The following TCTN1 variants were observed in gnomAD, a reference collection of about 807,000 sequenced individuals.
TCTN1 encodes tectonic family member 1, also known as tectonic-1.
Under a neutral mutation model 65.8 loss-of-function variants are expected in TCTN1, and 58 were observed. The ratio of observed to expected loss-of-function variants is 0.88; its 90% CI spans 0.71 to 1.10. The LOEUF (loss-of-function observed/expected upper bound fraction) is 1.10, where lower values mean the gene tolerates loss of function less well. Ranked by LOEUF, TCTN1 falls within the 50% of genes least tolerant of loss-of-function variation. TCTN1 has a pLI of 0.00. For missense variants in TCTN1, 645 were observed against 719.4 expected (o/e 0.90, Z 1.18); for synonymous variants, 273 against 289.1 (o/e 0.94, Z 0.57).
In TCTN1 at chr12:110,628,837, A is replaced by T. The variant is rs780200746; in HGVS notation, c.543A>T (p.Thr181=). The change falls in exon 4 of 15, where the codon ACA becomes ACT. Residue 181 remains threonine, a synonymous_variant. Transcript: ENST00000397659. ...ACAATTTTGATACATTGATGAAAAC[A>T]TCTGATGGTTTTACATTGAATGCTG... ...DENNFDTLMK[T]SDGFTLNAES... is the part of the protein sequence containing the mutation. 9.9e-6 allele frequency: 16 copies of T among 1,613,270 alleles called. No individual in the cohort carries two copies. Among genetic ancestry groups the T allele is most frequent in the Non-Finnish European group, 1.3e-5 (15 of 1,179,602 alleles).
At position 110,640,935 on chromosome 12, in the gene TCTN1, G is replaced by A; in HGVS notation, c.979-89G>A. 6.3e-7 allele frequency: 1 copy of A among 1,575,246 alleles called. No individual in the cohort carries two copies. The highest frequency in any genetic ancestry group is 1.1e-5 in the South Asian group (1 of 89,962). Reference sequence around the variant, plus strand: ...TTCAACACATGGAGAAACAGGGAAAGATTTGCTATCTATGGGTGTTTTCAG... The same window carrying A: ...TTCAACACATGGAGAAACAGGGAAAAATTTGCTATCTATGGGTGTTTTCAG... On this transcript the variant is annotated intron_variant, in intron 8 of 14. Coordinates refer to ENST00000397659, the MANE Select transcript of TCTN1 (RefSeq NM_001082538.3). This position sits in a 1 kb window ranked among gnomAD's most constrained non-coding sequence, Gnocchi z 4.9.
chr12:110,644,952 T>C lies in TCTN1; in HGVS notation c.1332-15T>C. The stretch of plus-strand genomic sequence containing the variant: ...CAACAGCCTCATTCAGTTGACTTCT[T>C]TTTCCTTCACCAAGACTGACTGGAG... On this transcript the variant is annotated splice_polypyrimidine_tract_variant and intron_variant, in intron 11 of 14. Transcript: ENST00000397659. This position sits in a 1 kb window ranked among gnomAD's most constrained non-coding sequence, Gnocchi z 4.6. 1 of 1,614,220 alleles carries C rather than the reference T, an allele frequency of 6.2e-7. No individual in the cohort carries two copies. The highest frequency in any genetic ancestry group is 8.5e-7 in the Non-Finnish European group (1 of 1,180,052).
chr12:110,620,209 C>G (rs899205275), intron 2 of TCTN1, among the ~76,000 whole-genome samples: 4 of 151,990 alleles, frequency 2.6e-5, no homozygotes, highest in African/African-American at 9.7e-5. Flanking sequence ...AGATTGGGAC[C>G]ATTCTGGCTA....
intron 1 of TCTN1, among the ~76,000 whole-genome samples, chr12:110,614,630 G>C (rs992651980): frequency 2.6e-5 from 4 of 152,224 alleles, no homozygotes; most frequent in Non-Finnish European, 5.9e-5. Flanking sequence ...AAGTGGAACG[G>C]TATCAAACCT....
At chr12:110,621,836 C>T (rs2065452930) in intron 2 of TCTN1, among the ~76,000 whole-genome samples, 2 of 151,214 alleles carry the variant, frequency 1.3e-5, no homozygotes, top group Non-Finnish European at 2.9e-5. Flanking sequence ...AGTGGGCCCT[C>T]GTTAAGAATG....
At chr12:110,645,332 A>C (rs951658735) in intron 12 of TCTN1, 3 of 626,292 alleles carry the variant, frequency 4.8e-6, no homozygotes, top group African/African-American at 3.7e-5. Flanking sequence ...CTCTGTTTTC[A>C]TCTGTGAAAT....
At position 110,640,257 on chromosome 12, in the gene TCTN1, TG is replaced by T; in HGVS notation, c.844-125del. ...CAAATGTGGATCATAGTATATACAC[TG>T]TTGTGTAGCATGCTTCCCCCTACTT... On this transcript the variant is annotated intron_variant, in intron 7 of 14. Transcript: ENST00000397659. The surrounding 1 kb of genome is among the most constrained non-coding windows in gnomAD (Gnocchi z 4.9). 9.2e-7 allele frequency: 1 copy of T among 1,083,648 alleles called. No individual in the cohort carries two copies. Among genetic ancestry groups the T allele is most frequent in the Non-Finnish European group, 1.4e-6 (1 of 715,572 alleles). 67.1% of individuals were successfully genotyped at this position (1,083,648 alleles called of 1,614,324 possible).
At chr12:110,615,056 T>C (rs1593193683) in intron 1 of TCTN1, among the ~76,000 whole-genome samples, 3 of 152,116 alleles carry the variant, frequency 2.0e-5, no homozygotes. Flanking sequence ...CTTTGGGAGG[T>C]CAACTCGGGT....
intron 4 of TCTN1, chr12:110,629,965 A>C (rs2066123715): frequency 6.6e-6 from 1 of 152,206 alleles, no homozygotes. Context: ...TCAGCAAACT[A>C]ACATGGAACA....
intron 2 of TCTN1, among the ~76,000 whole-genome samples, chr12:110,620,302 G>C (rs1344363584): frequency 6.6e-6 from 1 of 152,016 alleles, no homozygotes; most frequent in African/African-American, 2.4e-5. Flanking sequence ...CAGCTACTCG[G>C]GAGGCTGAGG....
intron 4 of TCTN1, 95 bp downstream of exon 4, chr12:110,629,013 A>C: frequency 7.0e-7 from 1 of 1,436,720 alleles, no homozygotes; most frequent in Non-Finnish European, 9.7e-7. Flanking sequence ...GGGTTCCTTG[A>C]GACAGAGTTG....
At chr12:110,621,870 TCTCACGCCTGTAATC>T (rs1359034087) in intron 2 of TCTN1, among the ~76,000 whole-genome samples, 1 of 150,830 alleles carries the variant, frequency 6.6e-6, no homozygotes, top group Non-Finnish European at 1.5e-5. Flanking sequence ...GGGCATGGTG[TCTCACGCCTGTAATC>T]CCAGCACTTT....
At chr12:110,630,325 C>T (rs1593292541) in intron 4 of TCTN1, 1 of 152,154 alleles carries the variant, frequency 6.6e-6, no homozygotes, top group East Asian at 1.9e-4. Flanking sequence ...CTTTGTTCTC[C>T]TCAACCTTAA....
rs186624911 is a variant in TCTN1, at chr12:110,617,242, G to A, written c.221-2594G>A. Among the ~76,000 whole-genome samples, 5 of 152,222 alleles carry A rather than the reference G, an allele frequency of 3.3e-5. No individual in the cohort carries two copies. The East Asian group carries it at 9.6e-4, about 29-fold the overall frequency. ...AAGCACTGTAAACTTTAGGGGGAAA[G>A]CTTTTGTGTCTTAGACTAAGAAATC... On this transcript the variant is annotated intron_variant, in intron 1 of 14. Transcript: ENST00000397659.
intron 6 of TCTN1, 94 bp from the exon 7 acceptor site, chr12:110,636,387 T>C: frequency 1.2e-6 from 1 of 854,506 alleles, no homozygotes. Flanking sequence ...TTTAATAAGA[T>C]GAATATACTC....
rs1593351505 is a variant in TCTN1, at chr12:110,640,881, C to T, written c.979-143C>T. On this transcript the variant is annotated intron_variant, in intron 8 of 14. Transcript: ENST00000397659. This position sits in a 1 kb window ranked among gnomAD's most constrained non-coding sequence, Gnocchi z 4.9. ...GGGGTGGTGCTGAGGGAACACCTCT[C>T]ATAATCCAACTGGACAGCAGAGCAA... 1 of 1,238,892 alleles carries T rather than the reference C, an allele frequency of 8.1e-7. No homozygotes were observed. Among genetic ancestry groups the T allele is most frequent in the East Asian group, 2.3e-5 (1 of 43,014 alleles). 76.7% of individuals were successfully genotyped at this position (1,238,892 alleles called of 1,614,324 possible).
intron 4 of TCTN1, among the ~76,000 whole-genome samples, chr12:110,632,067 A>C (rs1289217455): frequency 6.6e-6 from 1 of 152,238 alleles, no homozygotes; most frequent in East Asian, 1.9e-4. Context: ...ATTCTTTCAT[A>C]AAACTGATTT....
rs1247221259 is a variant in TCTN1, at chr12:110,614,341, C to T, written c.159C>T (p.Pro53=). The T allele has an allele frequency of 1.2e-6, 2 of 1,606,872 alleles. No individual in the cohort carries two copies. Among genetic ancestry groups the T allele is most frequent in the Admixed American group, 1.7e-5 (1 of 59,188 alleles). ...TCGGAACTTTCCCGTCGACCAGGCC[C>T]CCCGGGACTCCCAGGGCTCCAGGGC... ...ATFGTFPSTR[P]PGTPRAPGPS... The change falls in exon 1 of 15, where the codon CCC becomes CCT. Residue 53 remains proline (P), a synonymous_variant. Transcript: ENST00000397659.
At position 110,626,501 on chromosome 12, in the gene TCTN1, T is replaced by C; in HGVS notation, c.472+9T>C. On this transcript the variant is annotated intron_variant, in intron 3 of 14. Transcript: ENST00000397659. Reference sequence around the variant, plus strand: ...CATTCATATTACAAACTGTAAGTATTTGACATTGATATATTTTGTGAAGCT... The same window carrying C: ...CATTCATATTACAAACTGTAAGTATCTGACATTGATATATTTTGTGAAGCT... 3 of 1,610,626 alleles carry C rather than the reference T, an allele frequency of 1.9e-6. No homozygotes were observed. The highest frequency in any genetic ancestry group is 1.7e-6 in the Non-Finnish European group (2 of 1,178,780).
Sources: gnomAD v4.1 joint callset for allele counts (sites outside exome capture counted in the v4.1 genomes callset) on GRCh38, gnomAD v4.1.1 for gene constraint, Gnocchi (gnomAD v3.1) non-coding constraint, MANE v1.5 for transcripts, NCBI Gene and HGNC (gene_info 2026-07-23, HGNC 2026-07-21) for gene names.